Variants in SPAG9 observed in about 807,000 individuals in gnomAD.
SPAG9 encodes sperm associated antigen 9.
Under a neutral mutation model 166.5 loss-of-function variants are expected in SPAG9, and 35 were observed. The observed-to-expected ratio is 0.21, with a 90% CI of 0.16 to 0.28. SPAG9 has a LOEUF of 0.28. Ranked by LOEUF, SPAG9 falls within the 10% of genes least tolerant of loss-of-function variation. SPAG9 has a pLI of 1.00. For missense variants in SPAG9, 1,235 were observed against 1,603.3 expected, an observed-to-expected ratio of 0.77 and a Z score of 3.92; for synonymous variants, 534 against 565.5, an observed-to-expected ratio of 0.94 and a Z score of 0.79.
intron 25 of SPAG9, among the ~76,000 whole-genome samples, chr17:50,981,174 A>G (rs1974574959): frequency 6.6e-6 from 1 of 152,064 alleles, no homozygotes; most frequent in African/African-American, 2.4e-5. Context: ...CACGCTGAAC[A>G]CAGTATTTTT....
chr17:51,050,394 A>T (rs917210324), intron 3 of SPAG9, among the ~76,000 whole-genome samples: 7 of 152,240 alleles, frequency 4.6e-5, no homozygotes, highest in African/African-American at 1.7e-4. Flanking sequence ...TCATGATTTC[A>T]TAGGTAAACT....
intron 9 of SPAG9, 49 bp from the exon 10 acceptor site, chr17:51,007,375 T>G: frequency 1.0e-6 from 1 of 979,374 alleles, no homozygotes. Context: ...GCATCAATAA[T>G]TATATACATT....
rs553173701 is a variant in SPAG9, at chr17:51,118,907, G to A, written c.303+1447C>T. ...TCTACAAAAAACAAAAATGAGCGGG[G>A]AGTGTTGTCCTAGCTCCTTAGGAAG... On this transcript the variant is annotated intron_variant, in intron 1 of 29. Transcript: ENST00000262013. 8.5e-5 allele frequency among the ~76,000 whole-genome samples: 13 copies of A among 152,092 alleles called. No homozygotes were observed. In the South Asian group the frequency reaches 2.7e-3, roughly 32 times the overall value.
In SPAG9 at chr17:51,112,114, C is replaced by T. The variant is rs1476684400; in HGVS notation, c.303+8240G>A. On this transcript the variant is annotated intron_variant, in intron 1 of 29. Transcript: ENST00000262013. ...ATTATTTCATAAAGCAACAACCATA[C>T]CCCTTCCCATCCCACTCCCGCCAGA... 2.0e-5 allele frequency among the ~76,000 whole-genome samples: 3 copies of T among 151,984 alleles called. No individual in the cohort carries two copies. The East Asian group carries it at 5.8e-4, about 29-fold the overall frequency.
In SPAG9 at chr17:50,964,793, C is replaced by T. The variant is rs1313715109; in HGVS notation, c.*1479G>A. On this transcript the variant is annotated 3_prime_UTR_variant, in exon 30 of 30. Coordinates refer to ENST00000262013, the MANE Select transcript of SPAG9 (RefSeq NM_001130528.3). Reference sequence around the variant, plus strand: ...TTTGAGACAGGGTCTTGCTCCGTCACCCAGGCTGGAGTGCAGTGGTGCTAT... The same window carrying T: ...TTTGAGACAGGGTCTTGCTCCGTCATCCAGGCTGGAGTGCAGTGGTGCTAT... The T allele has an allele frequency of 2.3e-6, 1 of 437,722 alleles. No homozygotes were observed. 27.1% of individuals were successfully genotyped at this position (437,722 alleles called of 1,614,324 possible).
Position 51,020,245 on chromosome 17 carries a change from A to G in SPAG9, c.1005T>C (p.Asn335=). The change falls in exon 8 of 30, where the codon AAT becomes AAC. Residue 335 remains asparagine, a synonymous_variant. Transcript: ENST00000262013. The part of the protein sequence containing the change: ...TRNVSTGSAE[N]EEKSEVQAII... ...TTGCTTGAACTTCTGACTTTTCTTCATTTTCAGCAGAGCCTTAAAAAAGGA... is the reference window on the plus strand; with the variant it reads ...TTGCTTGAACTTCTGACTTTTCTTCGTTTTCAGCAGAGCCTTAAAAAAGGA... 1 of 1,611,762 alleles carries G rather than the reference A, an allele frequency of 6.2e-7. No homozygotes were observed. The highest frequency in any genetic ancestry group is 8.5e-7 in the Non-Finnish European group (1 of 1,178,014).
At chr17:51,072,465 C>T (rs1163279168) in intron 2 of SPAG9, among the ~76,000 whole-genome samples, 1 of 148,654 alleles carries the variant, frequency 6.7e-6, no homozygotes, top group Non-Finnish European at 1.5e-5. Flanking sequence ...AGCGTATCAC[C>T]TGAGGTCAGG....
chr17:50,996,259 A>C lies in SPAG9; in HGVS notation c.1968+306T>G, dbSNP rs143031415. 65 of 242,990 alleles carry C rather than the reference A, an allele frequency of 2.7e-4. No homozygotes were observed. In the East Asian group the frequency reaches 5.1e-3, roughly 19 times the overall value. 15.1% of individuals were successfully genotyped at this position (242,990 alleles called of 1,614,324 possible). A position where few individuals can be genotyped will look rare whatever the true frequency, so the allele number is the denominator to read the frequency against. Reference sequence around the variant, plus strand: ...TCAACAATGATGCTGGTTTTTTAAAAAATGAAATCTTCAAATATTAAACCA... The same window carrying C: ...TCAACAATGATGCTGGTTTTTTAAACAATGAAATCTTCAAATATTAAACCA... On this transcript the variant is annotated intron_variant, in intron 16 of 29. Transcript: ENST00000262013.
chr17:51,089,616 T>C (rs2048395998), intron 1 of SPAG9, among the ~76,000 whole-genome samples: 1 of 87,202 alleles, frequency 1.1e-5, no homozygotes, highest in Non-Finnish European at 2.0e-5. Flanking sequence ...ATATACACTT[T>C]ATTTTATATA....
chr17:51,112,671 C>CCAAAA (rs2049148694), intron 1 of SPAG9, among the ~76,000 whole-genome samples: 1 of 41,400 alleles, frequency 2.4e-5, no homozygotes, highest in African/African-American at 6.1e-5. Context: ...TCTGTCTCAA[C>CCAAAA]AAAAAAAAAA....
In SPAG9 at chr17:50,987,202, A is replaced by C; in HGVS notation, c.2849T>G (p.Val950Gly). 2 of 1,612,968 alleles carry C rather than the reference A, an allele frequency of 1.2e-6. No homozygotes were observed. Among genetic ancestry groups the C allele is most frequent in the Non-Finnish European group, 1.7e-6 (2 of 1,179,580 alleles). Residue 950 changes from valine (V) to glycine (G), a missense_variant, in exon 22 of 30, where the codon GTA becomes GGA. Around this residue, in one of 6 missense-constraint regions of SPAG9, gnomAD observed 493 missense variants for 559.4 expected, o/e 0.88. Coordinates refer to ENST00000262013, the MANE Select transcript of SPAG9 (RefSeq NM_001130528.3). ...CACCAAGTCTTGTTCATTTGGCAGT[A>C]CTGATATTTGATCTTTATATGCATC... ...DSDAYKDQIS[V>G]LPNEQDLVRE... is the part of the protein sequence containing the mutation.
rs1236078890 is a variant in SPAG9, at chr17:50,966,394, AATG to A, written c.3851-10_3851-8del. The A allele has an allele frequency of 6.6e-7, 1 of 1,518,698 alleles. No homozygotes were observed. The highest frequency in any genetic ancestry group is 9.1e-7 in the Non-Finnish European group (1 of 1,093,278). 94.1% of individuals were successfully genotyped at this position (1,518,698 alleles called of 1,614,324 possible). A position where few individuals can be genotyped will look rare whatever the true frequency, so the allele number is the denominator to read the frequency against. On this transcript the variant is annotated splice_region_variant and splice_polypyrimidine_tract_variant and intron_variant, in intron 29 of 29. Coordinates refer to ENST00000262013, the MANE Select transcript of SPAG9 (RefSeq NM_001130528.3). ...GATTCTCCACCTTCATCACCTAGTG[AATG>A]ATAAGAAGACTCAAGTTAGGCTGAA...
intron 1 of SPAG9, among the ~76,000 whole-genome samples, chr17:51,111,824 G>A (rs1440245362): frequency 6.6e-6 from 1 of 152,010 alleles, no homozygotes; most frequent in Non-Finnish European, 1.5e-5. Flanking sequence ...GGCTGGTCTT[G>A]AACTCCTGAC....
At chr17:51,035,485 A>G (rs915210215) in intron 5 of SPAG9, among the ~76,000 whole-genome samples, 11 of 152,250 alleles carry the variant, frequency 7.2e-5, no homozygotes, top group African/African-American at 2.7e-4. Flanking sequence ...CAACTACTAT[A>G]GAGATTAAAG....
At chr17:51,097,352 T>G (rs749245061) in intron 1 of SPAG9, among the ~76,000 whole-genome samples, 4 of 152,086 alleles carry the variant, frequency 2.6e-5, no homozygotes, top group Non-Finnish European at 4.4e-5. Context: ...TTATAGCCAG[T>G]TGAGACTGTA....
intron 2 of SPAG9, among the ~76,000 whole-genome samples, chr17:51,072,641 G>A (rs891825180): frequency 2.0e-5 from 3 of 151,758 alleles, no homozygotes; most frequent in Non-Finnish European, 2.9e-5. Flanking sequence ...CCGAGATCGC[G>A]CCACTGCACT....
At chr17:50,974,721 C>T (rs753919268) in intron 28 of SPAG9, 50 bp downstream of exon 28, 156 of 1,487,192 alleles carry the variant, frequency 1.0e-4, no homozygotes, top group Non-Finnish European at 1.3e-4. Flanking sequence ...CAAGAGATGA[C>T]AGAAGAGAGA....
intron 9 of SPAG9, 91 bp downstream of exon 9, chr17:51,014,141 G>C: frequency 8.5e-7 from 1 of 1,169,652 alleles, no homozygotes; most frequent in Admixed American, 2.2e-5. Context: ...TCACTGAGCA[G>C]TTGGGGACAT....
chr17:51,080,489 C>CTA (rs2048130457), intron 1 of SPAG9, among the ~76,000 whole-genome samples: 1 of 152,096 alleles, frequency 6.6e-6, no homozygotes, highest in African/African-American at 2.4e-5. Context: ...TAAGTACGAA[C>CTA]TATATGCTGA....
Sources: allele counts gnomAD v4.1 joint callset (sites outside exome capture counted in the v4.1 genomes callset), GRCh38; gene constraint gnomAD v4.1.1; regional missense constraint gnomAD v4.1.1; transcripts MANE v1.5; gene names NCBI Gene and HGNC (gene_info 2026-07-23, HGNC 2026-07-21).